Variants in CMIP observed in about 807,000 individuals in gnomAD.
CMIP encodes the protein c-Maf inducing protein, also known as C-Maf-inducing protein.
CMIP carries 13 observed loss-of-function variants against 97.3 expected under a neutral mutation model. The ratio of observed to expected loss-of-function variants is 0.13; its 90% CI spans 0.09 to 0.21. CMIP has a LOEUF of 0.21. Ranked by LOEUF, CMIP falls within the 10% of genes least tolerant of loss-of-function variation. The probability of loss-of-function intolerance (pLI) is 1.00; values close to 1 mark genes in which losing one functional copy is unlikely to be tolerated. For missense variants in CMIP, 847 were observed against 1,024.9 expected (o/e 0.83, Z 2.37); for synonymous variants, 538 against 436.3 (o/e 1.23, Z -2.91).
chr16:81,515,223 C>T (rs2089889148), intron 1 of CMIP, among the ~76,000 whole-genome samples: 1 of 152,222 alleles, frequency 6.6e-6, no homozygotes, highest in Non-Finnish European at 1.5e-5. Flanking sequence ...GGCTCTAGGG[C>T]TGAAGGATTG....
At chr16:81,680,268 G>GT (rs1489735664) in intron 10 of CMIP, among the ~76,000 whole-genome samples, 2 of 152,220 alleles carry the variant, frequency 1.3e-5, no homozygotes, top group Non-Finnish European at 2.9e-5. Flanking sequence ...TGTCATGTAT[G>GT]TGTTGTGTTG....
Position 81,626,283 on chromosome 16 carries a change from G to A in CMIP, c.477+5357G>A, listed in dbSNP as rs184783024. Among the ~76,000 whole-genome samples the A allele has an allele frequency of 8.5e-4, 129 of 151,952 alleles. 2 individuals carry two copies. Among genetic ancestry groups the A allele is most frequent in the African/African-American group, 3.1e-3 (128 of 41,518 alleles). On this transcript the variant is annotated intron_variant, in intron 3 of 20. Transcript: ENST00000537098. ...AGAGCGAGAGTGACTGAGTGTGACT[G>A]TGTGTTGTGTGGGGTGACTATTTTA...
chr16:81,577,990 C>T (rs62636075), intron 1 of CMIP, among the ~76,000 whole-genome samples: 11 of 149,948 alleles, frequency 7.3e-5, no homozygotes, highest in African/African-American at 1.5e-4. Flanking sequence ...ATCACCATCA[C>T]CATCATCACC....
intron 1 of CMIP, among the ~76,000 whole-genome samples, chr16:81,462,657 C>G (rs577135911): frequency 1.3e-5 from 2 of 152,226 alleles, no homozygotes; most frequent in African/African-American, 4.8e-5. Flanking sequence ...AATATTTTTT[C>G]TTTTATCCCA....
intron 10 of CMIP, among the ~76,000 whole-genome samples, chr16:81,688,891 G>A (rs563542689): frequency 6.3e-4 from 96 of 152,296 alleles, no homozygotes; most frequent in Admixed American, 1.2e-3. Flanking sequence ...TCCCACCTAT[G>A]AGTGAGAACA....
At chr16:81,587,651 G>A (rs1022953564) in intron 1 of CMIP, among the ~76,000 whole-genome samples, 2 of 152,194 alleles carry the variant, frequency 1.3e-5, no homozygotes, top group African/African-American at 4.8e-5. Context: ...CGCTGGAGTG[G>A]GAATCTCAGC....
intron 1 of CMIP, among the ~76,000 whole-genome samples, chr16:81,499,864 C>A (rs2089563711): frequency 6.6e-6 from 1 of 152,272 alleles, no homozygotes; most frequent in Non-Finnish European, 1.5e-5. Context: ...CTGGGCTTGT[C>A]AGCCCGGGCG....
intron 1 of CMIP, among the ~76,000 whole-genome samples, chr16:81,516,765 C>T (rs138085615): frequency 3.3e-4 from 50 of 152,326 alleles, no homozygotes; most frequent in Middle Eastern, 3.4e-3. Flanking sequence ...CAATAGATAT[C>T]GAAGCATCTA....
chr16:81,597,601 G>GTT (rs1224366005), intron 1 of CMIP, among the ~76,000 whole-genome samples: 1 of 151,510 alleles, frequency 6.6e-6, no homozygotes, highest in African/African-American at 2.4e-5. Flanking sequence ...AGCGGGGGGG[G>GTT]GGGAGTCTCC....
intron 14 of CMIP, 135 bp from the exon 15 acceptor site, chr16:81,699,550 A>T: frequency 1.6e-6 from 1 of 613,264 alleles, no homozygotes; most frequent in East Asian, 2.9e-5. Flanking sequence ...GGGCCTGGTG[A>T]TCCTAGAACA....
At chr16:81,609,768 C>T (rs2091801454) in intron 2 of CMIP, among the ~76,000 whole-genome samples, 1 of 152,112 alleles carries the variant, frequency 6.6e-6, no homozygotes, top group African/African-American at 2.4e-5. Flanking sequence ...TGTGCAAAGC[C>T]TGAATATGGG....
rs373925487 is a variant in CMIP at position 81,603,141 on chromosome 16, G to A, written c.301-4426G>A. ...GTTGCCCAGGCTACAGTGCAGTGGC[G>A]CGATCTCGGCTCACTGCAAGCTTCA... is the stretch of plus-strand genomic sequence containing the variant. On this transcript the variant is annotated intron_variant, in intron 1 of 20. Coordinates refer to ENST00000537098, the MANE Select transcript of CMIP (RefSeq NM_198390.3). Among the ~76,000 whole-genome samples the A allele has an allele frequency of 5.3e-5, 8 of 152,220 alleles. No individual in the cohort carries two copies. In the South Asian group the frequency reaches 8.3e-4, roughly 16 times the overall value.
chr16:81,479,232 G>T (rs1047120749), intron 1 of CMIP, among the ~76,000 whole-genome samples: 1 of 152,180 alleles, frequency 6.6e-6, no homozygotes, highest in Non-Finnish European at 1.5e-5. Context: ...TGCTCGCCTG[G>T]AAAAACTGGG....
In CMIP at chr16:81,629,023, C is replaced by G. The variant is rs1441450888; in HGVS notation, c.477+8097C>G. On this transcript the variant is annotated intron_variant, in intron 3 of 20. Coordinates refer to ENST00000537098, the MANE Select transcript of CMIP (RefSeq NM_198390.3). ...TGGTGGCTCAGGCCTATAGTCCCAGCTACTCAGGAGGCTGAAGCATGAGAA... is the reference window on the plus strand; with the variant it reads ...TGGTGGCTCAGGCCTATAGTCCCAGGTACTCAGGAGGCTGAAGCATGAGAA... 2.7e-5 allele frequency among the ~76,000 whole-genome samples: 4 copies of G among 150,776 alleles called. No individual in the cohort carries two copies. The East Asian group carries it at 7.8e-4, about 29-fold the overall frequency.
rs865818618 is a variant in CMIP at position 81,453,800 on chromosome 16, T to C, written c.300+8259T>C. Among the ~76,000 whole-genome samples the C allele has an allele frequency of 5.5e-4, 84 of 152,176 alleles. No homozygotes were observed. Among genetic ancestry groups the C allele is most frequent in the African/African-American group, 1.9e-3 (79 of 41,440 alleles). On this transcript the variant is annotated intron_variant, in intron 1 of 20. Transcript: ENST00000537098. The surrounding 1 kb of genome is among the most constrained non-coding windows in gnomAD (Gnocchi z 4.0). ...GGTCTGCCCTCCCCTAGGTCCTTCA[T>C]TGTCAGGGGGATGGGGAAAGAGTGA...
Position 81,532,043 on chromosome 16 carries a change from G to A in CMIP, c.301-75524G>A, listed in dbSNP as rs576538883. 3.9e-5 allele frequency among the ~76,000 whole-genome samples: 6 copies of A among 152,288 alleles called. No homozygotes were observed. In the South Asian group the frequency reaches 6.2e-4, roughly 16 times the overall value. On this transcript the variant is annotated intron_variant, in intron 1 of 20. Transcript: ENST00000537098. ...CTGGATGTCAGGCACTAAGTCGGGCGCTTTATTCTGTAGTTCTCCTAGCAA... is the reference window on the plus strand; with the variant it reads ...CTGGATGTCAGGCACTAAGTCGGGCACTTTATTCTGTAGTTCTCCTAGCAA...
intron 10 of CMIP, among the ~76,000 whole-genome samples, chr16:81,688,710 C>T (rs1905707755): frequency 6.6e-6 from 1 of 152,060 alleles, no homozygotes; most frequent in Non-Finnish European, 1.5e-5. Flanking sequence ...GCACAATGTG[C>T]AGGTTTGTTA....
chr16:81,463,696 C>G (rs568742474), intron 1 of CMIP, among the ~76,000 whole-genome samples: 1 of 152,182 alleles, frequency 6.6e-6, no homozygotes, highest in Non-Finnish European at 1.5e-5. Context: ...GGGCAGTGTC[C>G]CCGTGTTACA....
intron 10 of CMIP, among the ~76,000 whole-genome samples, chr16:81,679,105 G>A (rs1262057303): frequency 6.6e-6 from 1 of 152,232 alleles, no homozygotes; most frequent in Non-Finnish European, 1.5e-5. Flanking sequence ...TACTGTGTTG[G>A]GTGTGTGGGA....
Sources: allele counts gnomAD v4.1 joint callset (sites outside exome capture counted in the v4.1 genomes callset), GRCh38; gene constraint gnomAD v4.1.1; non-coding constraint Gnocchi (gnomAD v3.1); transcripts MANE v1.5; gene names NCBI Gene and HGNC (gene_info 2026-07-23, HGNC 2026-07-21).